Variants in SPAG7 observed in about 807,000 individuals in gnomAD.
The protein encoded by SPAG7 is sperm-associated antigen 7.
In SPAG7, 20 loss-of-function variants were observed where a neutral mutation model predicts 30.6. The ratio of observed to expected loss-of-function variants is 0.65; its 90% CI spans 0.46 to 0.95. The LOEUF is 0.95. SPAG7 is among the 40% of genes least tolerant of loss of function. SPAG7 has a pLI of 0.00. For synonymous variants in SPAG7, 127 were observed against 104.2 expected (o/e 1.22, Z -1.33); for missense variants, 276 against 291.1 (o/e 0.95, Z 0.38).
intron 5 of SPAG7, 30 bp downstream of exon 5, chr17:4,959,992 G>A (rs1482345034): frequency 5.6e-6 from 9 of 1,613,720 alleles, no homozygotes; most frequent in South Asian, 1.1e-5. Flanking sequence ...GTGGGCTTCT[G>A]GACCCCAAGG....
At chr17:4,964,316 C>T (rs549420281) in intron 1 of SPAG7, among the ~76,000 whole-genome samples, 1 of 151,662 alleles carries the variant, frequency 6.6e-6, no homozygotes, top group Admixed American at 6.6e-5. Flanking sequence ...GCTCCTCAGC[C>T]TGAAATTTTT....
rs368742030 is a variant in SPAG7 at position 4,960,217 on chromosome 17, G to A, written c.327+17C>T. ...TACAAAGGGGAGAGGAGAGAATGAG[G>A]AATTCAGGCCCTTTACCTTTTTGAA... On this transcript the variant is annotated intron_variant, in intron 4 of 6. Coordinates refer to ENST00000206020, the MANE Select transcript of SPAG7 (RefSeq NM_004890.3). The A allele has an allele frequency of 5.0e-6, 8 of 1,612,246 alleles. No individual in the cohort carries two copies. The highest frequency in any genetic ancestry group is 5.9e-6 in the Non-Finnish European group (7 of 1,178,282).
chr17:4,962,847 G>A (rs576340224), intron 1 of SPAG7, among the ~76,000 whole-genome samples: 3 of 151,852 alleles, frequency 2.0e-5, no homozygotes, highest in East Asian at 3.9e-4. Context: ...GGCTGGTCTC[G>A]AACTCGGCTT....
rs986745638 is a variant in SPAG7, at chr17:4,959,331, ACT to A, written c.*201_*202del. On this transcript the variant is annotated 3_prime_UTR_variant, in exon 7 of 7. Coordinates refer to ENST00000206020, the MANE Select transcript of SPAG7 (RefSeq NM_004890.3). ...ATTAAATACCCACCTGTGCATTCACACTCTCACACACACACACACATGCCACG... is the reference window on the plus strand; with the variant it reads ...ATTAAATACCCACCTGTGCATTCACACTCACACACACACACACATGCCACG... 14 of 564,554 alleles carry A rather than the reference ACT, an allele frequency of 2.5e-5. No homozygotes were observed. Among genetic ancestry groups the A allele is most frequent in the Non-Finnish European group, 3.8e-5 (12 of 319,600 alleles). 35.0% of individuals were successfully genotyped at this position (564,554 alleles called of 1,614,324 possible). A position where few individuals can be genotyped will look rare whatever the true frequency, so the allele number is the denominator to read the frequency against.
At chr17:4,961,351 G>C (rs1457819686) in intron 1 of SPAG7, among the ~76,000 whole-genome samples, 4 of 151,888 alleles carry the variant, frequency 2.6e-5, no homozygotes, top group Non-Finnish European at 5.9e-5. Context: ...CAGCTACTGG[G>C]GAGGCTGAGG....
rs987207032 is a variant in SPAG7 at position 4,966,933 on chromosome 17, C to A, written c.85+787G>T. 4.2e-4 allele frequency: 409 copies of A among 985,394 alleles called. 1 individual carries two copies. Among genetic ancestry groups the A allele is most frequent in the Non-Finnish European group, 4.8e-4 (400 of 829,998 alleles). 61.0% of individuals were successfully genotyped at this position (985,394 alleles called of 1,614,324 possible). On this transcript the variant is annotated intron_variant, in intron 1 of 6. Transcript: ENST00000206020. ...GGTCCGCAGGTTTGGGAGTTGGGGTCCTGCGTTCCGCCAGTATCATCCCAA... is the reference window on the plus strand; with the variant it reads ...GGTCCGCAGGTTTGGGAGTTGGGGTACTGCGTTCCGCCAGTATCATCCCAA...
intron 1 of SPAG7, chr17:4,966,412 T>C: frequency 8.9e-6 from 2 of 225,078 alleles, no homozygotes; most frequent in Non-Finnish European, 1.5e-5. Flanking sequence ...AAACTAACCA[T>C]GTGACCTCAG....
In SPAG7 at chr17:4,960,315, A is replaced by G. The variant is rs2151147099; in HGVS notation, c.246T>C (p.His82=). ...TCAGGCCAGCCACTTCCACCACATC[A>G]TGTCTGGGATGGGATGGCAGAGGGG... The part of the protein sequence containing the change: ...PMNKIERSIL[H]DVVEVAGLTS... The change falls in exon 4 of 7, where the codon CAT becomes CAC. Residue 82 remains histidine (H), a synonymous_variant. Transcript: ENST00000206020. The G allele has an allele frequency of 1.9e-6, 3 of 1,613,920 alleles. No homozygotes were observed. The East Asian group carries it at 6.7e-5, about 36-fold the overall frequency.
intron 1 of SPAG7, chr17:4,967,131 G>T: frequency 1.0e-6 from 1 of 986,238 alleles, no homozygotes; most frequent in Non-Finnish European, 1.2e-6. Flanking sequence ...ACTACGATCC[G>T]CCCGGGCAGC....
intron 1 of SPAG7, among the ~76,000 whole-genome samples, chr17:4,965,087 T>A (rs760366620): frequency 3.5e-4 from 54 of 152,142 alleles, no homozygotes; most frequent in Non-Finnish European, 6.9e-4. Context: ...TTTTTTCATT[T>A]TTAGTAGAGA....
chr17:4,960,975 G>A lies in SPAG7; in HGVS notation c.86-122C>T, dbSNP rs991303073. 6.5e-5 allele frequency: 53 copies of A among 817,584 alleles called. 1 individual carries two copies. Among genetic ancestry groups the A allele is most frequent in the South Asian group, 1.7e-4 (12 of 68,964 alleles). 50.6% of individuals were successfully genotyped at this position (817,584 alleles called of 1,614,324 possible). On this transcript the variant is annotated intron_variant, in intron 1 of 6. Coordinates refer to ENST00000206020, the MANE Select transcript of SPAG7 (RefSeq NM_004890.3). ...GTCAGGCTGGGAAGGTAGGATTAGC[G>A]TTTATTCATCAAGCATTTATTGATG...
chr17:4,960,632 G>A lies in SPAG7; in HGVS notation c.154-85C>T, dbSNP rs1005210874. 52 of 1,346,200 alleles carry A rather than the reference G, an allele frequency of 3.9e-5. No homozygotes were observed. In the Middle Eastern group the frequency reaches 1.8e-3, roughly 47 times the overall value. The allele number at this position is 1,346,200 out of a possible 1,614,324, so 83.4% of individuals were successfully genotyped here. On this transcript the variant is annotated intron_variant, in intron 2 of 6. Coordinates refer to ENST00000206020, the MANE Select transcript of SPAG7 (RefSeq NM_004890.3). ...CCTAGCTGAGCCTGGGCCCTTCTAC[G>A]CCTCCCCAGCACCCTCCCCAGCCTC...
intron 1 of SPAG7, among the ~76,000 whole-genome samples, chr17:4,964,737 CATTT>C (rs1337894961): frequency 1.3e-4 from 20 of 150,102 alleles, no homozygotes; most frequent in Non-Finnish European, 2.1e-4. Context: ...CTCTCCCCAT[CATTT>C]ATTTATTTAT....
At position 4,960,442 on chromosome 17, in the gene SPAG7, A is replaced by C; in HGVS notation, c.242+17T>G. Reference sequence around the variant, plus strand: ...TAGCCACCCATTTCCTTCCTCCCCCAGCCCAGGGACACTCACAGTATGCTC... The same window carrying C: ...TAGCCACCCATTTCCTTCCTCCCCCCGCCCAGGGACACTCACAGTATGCTC... On this transcript the variant is annotated intron_variant, in intron 3 of 6. Transcript: ENST00000206020. 6.2e-7 allele frequency: 1 copy of C among 1,607,682 alleles called. No homozygotes were observed. Among genetic ancestry groups the C allele is most frequent in the Non-Finnish European group, 8.5e-7 (1 of 1,175,154 alleles).
At chr17:4,960,948 G>A (rs1971852085) in intron 1 of SPAG7, 95 bp from the exon 2 acceptor site, 2 of 1,068,762 alleles carry the variant, frequency 1.9e-6, no homozygotes, top group African/African-American at 1.6e-5. Context: ...CCACTGGGAG[G>A]TGTCAGGCTG....
At chr17:4,961,100 T>C (rs998519983) in intron 1 of SPAG7, among the ~76,000 whole-genome samples, 11 of 152,192 alleles carry the variant, frequency 7.2e-5, no homozygotes, top group African/African-American at 2.7e-4. Flanking sequence ...ATACATACTA[T>C]GTCTTTTTCT....
At chr17:4,961,854 G>GCT (rs993638324) in intron 1 of SPAG7, among the ~76,000 whole-genome samples, 2 of 150,642 alleles carry the variant, frequency 1.3e-5, no homozygotes, top group African/African-American at 4.9e-5. Flanking sequence ...TTGTGGCTAT[G>GCT]CTCTCTCTCT....
intron 2 of SPAG7, 106 bp downstream of exon 2, chr17:4,960,680 C>T: frequency 7.2e-7 from 1 of 1,389,658 alleles, no homozygotes; most frequent in South Asian, 1.2e-5. Flanking sequence ...TTCCATGCGT[C>T]ACCTCTCTCA....
rs1026547311 is a variant in SPAG7 at position 4,960,860 on chromosome 17, G to C, written c.86-7C>G. ...TTCAGGCGGGCGGCCTGTTCTGGGGGTGAGAAATGGCAACATGAAGCCAGG... is the reference window on the plus strand; with the variant it reads ...TTCAGGCGGGCGGCCTGTTCTGGGGCTGAGAAATGGCAACATGAAGCCAGG... On this transcript the variant is annotated splice_region_variant and splice_polypyrimidine_tract_variant and intron_variant, in intron 1 of 6. Coordinates refer to ENST00000206020, the MANE Select transcript of SPAG7 (RefSeq NM_004890.3). The C allele has an allele frequency of 6.2e-7, 1 of 1,613,704 alleles. No individual in the cohort carries two copies. The highest frequency in any genetic ancestry group is 1.3e-5 in the African/African-American group (1 of 74,934).
Sources: gnomAD v4.1 joint callset for allele counts (sites outside exome capture counted in the v4.1 genomes callset) on GRCh38, gnomAD v4.1.1 for gene constraint, MANE v1.5 for transcripts, NCBI Gene and HGNC (gene_info 2026-07-23, HGNC 2026-07-21) for gene names.